KCNQ5: variants seen among roughly 807,000 people sequenced by gnomAD.
KCNQ5 encodes potassium voltage-gated channel subfamily Q member 5.
KCNQ5 carries 30 observed loss-of-function variants against 98.2 expected under a neutral mutation model. The observed-to-expected ratio is 0.31, with a 90% CI of 0.23 to 0.41. KCNQ5 has a LOEUF of 0.41. Among genes scored for constraint, KCNQ5 ranks in the 10% least tolerant of loss-of-function variants. The pLI, the probability that KCNQ5 is intolerant of heterozygous loss-of-function variation, is 1.00. For synonymous variants in KCNQ5, 458 were observed against 449.4 expected (o/e 1.02, Z -0.24); for missense variants, 835 against 1,182.5 (o/e 0.71, Z 4.31).
At chr6:73,094,178 C>CA (rs1774380881) in intron 5 of KCNQ5, among the ~76,000 whole-genome samples, 1 of 151,644 alleles carries the variant, frequency 6.6e-6, no homozygotes, top group Non-Finnish European at 1.5e-5. Context: ...TCTTTTTTAA[C>CA]TGCTGTTGCT....
intron 11 of KCNQ5, among the ~76,000 whole-genome samples, chr6:73,190,313 G>GA (rs1765546352): frequency 6.6e-6 from 1 of 152,142 alleles, no homozygotes; most frequent in African/African-American, 2.4e-5. Flanking sequence ...GGTTTCAACG[G>GA]ACATTAAAAA....
At chr6:72,661,327 TA>T (rs769542806) in intron 1 of KCNQ5, among the ~76,000 whole-genome samples, 2 of 152,148 alleles carry the variant, frequency 1.3e-5, no homozygotes, top group Non-Finnish European at 2.9e-5. Flanking sequence ...ACTATCTCCA[TA>T]GTTTTTCTTT....
At chr6:73,180,970 T>TA (rs1778386411) in intron 11 of KCNQ5, among the ~76,000 whole-genome samples, 1 of 152,202 alleles carries the variant, frequency 6.6e-6, no homozygotes. Context: ...TCATATGCAA[T>TA]ATTTTTACCC....
intron 1 of KCNQ5, among the ~76,000 whole-genome samples, chr6:72,681,742 C>T (rs1767722101): frequency 6.6e-6 from 1 of 152,172 alleles, no homozygotes; most frequent in African/African-American, 2.4e-5. Flanking sequence ...TGCTGTGATC[C>T]CAGGACATTC....
chr6:72,972,997 C>G (rs915316498), intron 1 of KCNQ5, among the ~76,000 whole-genome samples: 4 of 152,118 alleles, frequency 2.6e-5, no homozygotes, highest in Non-Finnish European at 5.9e-5. Context: ...AACTCTAGGC[C>G]TTCTAATGTG....
intron 1 of KCNQ5, among the ~76,000 whole-genome samples, chr6:72,847,746 G>A (rs906553994): frequency 6.6e-6 from 1 of 152,084 alleles, no homozygotes; most frequent in Non-Finnish European, 1.5e-5. Flanking sequence ...ACTTGTATTT[G>A]CATTAGACAA....
intron 1 of KCNQ5, among the ~76,000 whole-genome samples, chr6:72,674,881 C>G (rs1767331108): frequency 6.6e-6 from 1 of 152,144 alleles, no homozygotes; most frequent in Non-Finnish European, 1.5e-5. Flanking sequence ...TTTTGATCTT[C>G]CACTTCAGAG....
chr6:73,039,030 G>A (rs1335561146), intron 2 of KCNQ5, among the ~76,000 whole-genome samples: 1 of 152,014 alleles, frequency 6.6e-6, no homozygotes, highest in African/African-American at 2.4e-5. Flanking sequence ...GCGGTTATAG[G>A]GCTACCTAGA....
chr6:72,956,521 A>C (rs1269191158), intron 1 of KCNQ5, among the ~76,000 whole-genome samples: 1 of 112,356 alleles, frequency 8.9e-6, no homozygotes. Context: ...CTTCTTTTTA[A>C]CCCTTTTTTT....
chr6:73,156,226 C>T (rs758798963), intron 10 of KCNQ5, among the ~76,000 whole-genome samples: 18 of 152,106 alleles, frequency 1.2e-4, no homozygotes, highest in South Asian at 4.1e-4. Context: ...TAATTCATTA[C>T]GGGATGTAAT....
intron 1 of KCNQ5, among the ~76,000 whole-genome samples, chr6:72,636,194 T>A (rs2098924030): frequency 6.6e-6 from 1 of 152,164 alleles, no homozygotes. Context: ...TATATAAAAA[T>A]GCACAATAAA....
intron 1 of KCNQ5, among the ~76,000 whole-genome samples, chr6:72,752,147 A>G (rs1582223006): frequency 1.3e-5 from 2 of 152,102 alleles, no homozygotes; most frequent in Admixed American, 1.3e-4. Flanking sequence ...ACCCCAAATC[A>G]GGTGCTGGGT....
At chr6:72,639,709 G>A (rs1037038115) in intron 1 of KCNQ5, among the ~76,000 whole-genome samples, 1 of 152,108 alleles carries the variant, frequency 6.6e-6, no homozygotes, top group Non-Finnish European at 1.5e-5. Flanking sequence ...TGCACCAAAC[G>A]GTGCTTGCAG....
At chr6:72,962,008 A>G (rs999012754) in intron 1 of KCNQ5, among the ~76,000 whole-genome samples, 4 of 151,436 alleles carry the variant, frequency 2.6e-5, no homozygotes, top group Non-Finnish European at 5.9e-5. Flanking sequence ...GAAACCCCGT[A>G]TCAACAAAAA....
At chr6:73,045,389 A>G (rs1771915532) in intron 3 of KCNQ5, among the ~76,000 whole-genome samples, 1 of 152,194 alleles carries the variant, frequency 6.6e-6, no homozygotes, top group African/African-American at 2.4e-5. Context: ...AATCTTATCT[A>G]GAACATAAAA....
intron 1 of KCNQ5, among the ~76,000 whole-genome samples, chr6:72,701,786 C>T (rs1768821810): frequency 6.6e-6 from 1 of 152,136 alleles, no homozygotes; most frequent in African/African-American, 2.4e-5. Flanking sequence ...GCGATCTCAG[C>T]TCACTGCAAC....
intron 5 of KCNQ5, among the ~76,000 whole-genome samples, chr6:73,104,197 A>T (rs1283414824): frequency 6.6e-6 from 1 of 152,104 alleles, no homozygotes; most frequent in African/African-American, 2.4e-5. Flanking sequence ...TCTTATATAT[A>T]GAAAACCCTA....
At chr6:72,771,847 A>G (rs1772906732) in intron 1 of KCNQ5, among the ~76,000 whole-genome samples, 1 of 152,022 alleles carries the variant, frequency 6.6e-6, no homozygotes, top group Admixed American at 6.6e-5. Context: ...AAAGCTAGGG[A>G]GATAGATACA....
chr6:72,997,424 C>T (rs921981247), intron 1 of KCNQ5, among the ~76,000 whole-genome samples: 1 of 151,970 alleles, frequency 6.6e-6, no homozygotes, highest in African/African-American at 2.4e-5. Flanking sequence ...TCTTAACATC[C>T]CACATGTAAA....
Sources: allele counts gnomAD v4.1 joint callset (sites outside exome capture counted in the v4.1 genomes callset), GRCh38; gene constraint gnomAD v4.1.1; transcripts MANE v1.5; gene names NCBI Gene and HGNC (gene_info 2026-07-23, HGNC 2026-07-21).